The following ABI1 variants were observed in gnomAD, a reference collection of about 807,000 sequenced individuals.
The protein encoded by ABI1 is Abelson interactor 1.
Under a neutral mutation model 54.6 loss-of-function variants are expected in ABI1, and 14 were observed. The ratio of observed to expected loss-of-function variants is 0.26; its 90% confidence interval spans 0.17 to 0.40. ABI1 has a LOEUF of 0.40. ABI1 is among the 10% of genes least tolerant of loss of function. ABI1 has a pLI of 1.00. For missense variants in ABI1, 443 were observed against 598.3 expected, an observed-to-expected ratio of 0.74 and a Z score of 2.71; for synonymous variants, 194 against 209.3, an observed-to-expected ratio of 0.93 and a Z score of 0.63.
chr10:26,777,286 A>C, intron 2 of ABI1, 45 bp from the exon 3 acceptor site: 1 of 1,493,934 alleles, frequency 6.7e-7, no homozygotes, highest in South Asian at 1.3e-5. Flanking sequence ...ATTTGACATA[A>C]TATGTTTGCT....
At chr10:26,816,141 C>T (rs2047548783) in intron 2 of ABI1, among the ~76,000 whole-genome samples, 1 of 152,110 alleles carries the variant, frequency 6.6e-6, no homozygotes, top group Non-Finnish European at 1.5e-5. Flanking sequence ...TCCTTGTCCC[C>T]TAAATGATAA....
chr10:26,808,193 AG>A (rs2046996210), intron 2 of ABI1, among the ~76,000 whole-genome samples: 1 of 152,194 alleles, frequency 6.6e-6, no homozygotes, highest in Admixed American at 6.5e-5. Context: ...GTTGTTCTTC[AG>A]GTACTCTTTG....
At position 26,793,551 on chromosome 10, in the gene ABI1, C is replaced by A. The variant is rs561467833; in HGVS notation, c.286-16310G>T. On this transcript the variant is annotated intron_variant, in intron 2 of 10. Coordinates refer to ENST00000376140, the MANE Select transcript of ABI1 (RefSeq NM_001012750.3). Reference sequence around the variant, plus strand: ...AATCTGTCACTAACATTCTGGCCCACGTCTAATTTTTTAGTACTTCCCATG... The same window carrying A: ...AATCTGTCACTAACATTCTGGCCCAAGTCTAATTTTTTAGTACTTCCCATG... Among the ~76,000 whole-genome samples, 5 of 152,312 alleles carry A rather than the reference C, an allele frequency of 3.3e-5. No homozygotes were observed. The East Asian group carries it at 7.7e-4, about 24-fold the overall frequency.
chr10:26,860,614 T>C lies in ABI1; in HGVS notation c.117+133A>G. ...GCTCTGTCCCCGGTTGGGGCTGGGG[T>C]TGGGGCTGCGGTAGGGGCTCGGGTT... On this transcript the variant is annotated intron_variant, in intron 1 of 10. Transcript: ENST00000376140. The surrounding 1 kb of genome is among the most constrained non-coding windows in gnomAD (Gnocchi z 4.1). The C allele has an allele frequency of 1.4e-6, 1 of 707,862 alleles. No homozygotes were observed. The highest frequency in any genetic ancestry group is 1.7e-5 in the African/African-American group (1 of 57,218). The allele number at this position is 707,862 out of a possible 1,614,324, so 43.8% of individuals were successfully genotyped here. A position where few individuals can be genotyped will look rare whatever the true frequency, so the allele number is the denominator to read the frequency against.
At chr10:26,843,951 G>A (rs1012563345) in intron 1 of ABI1, among the ~76,000 whole-genome samples, 1 of 152,024 alleles carries the variant, frequency 6.6e-6, no homozygotes, top group Non-Finnish European at 1.5e-5. Context: ...TATGCCAAAC[G>A]TGTCTAGACA....
intron 2 of ABI1, among the ~76,000 whole-genome samples, chr10:26,793,809 T>C (rs768046518): frequency 9.2e-5 from 14 of 152,238 alleles, no homozygotes; most frequent in Non-Finnish European, 1.9e-4. Flanking sequence ...TTCAACCTAC[T>C]ACTTCTTACC....
intron 2 of ABI1, among the ~76,000 whole-genome samples, chr10:26,782,222 G>A (rs1842199267): frequency 6.6e-6 from 1 of 152,134 alleles, no homozygotes; most frequent in Admixed American, 6.6e-5. Context: ...TTTGCAATCT[G>A]ACAATAGGTA....
At chr10:26,763,455 C>CA (rs148470550) in intron 7 of ABI1, among the ~76,000 whole-genome samples, 2,382 of 152,230 alleles carry the variant, frequency 0.016, 52 homozygotes, top group African/African-American at 0.055. Flanking sequence ...CTATGATCCA[C>CA]AGGAAAGCCT....
intron 2 of ABI1, among the ~76,000 whole-genome samples, chr10:26,801,829 T>C (rs759213022): frequency 3.3e-5 from 5 of 152,216 alleles, no homozygotes; most frequent in Non-Finnish European, 5.9e-5. Context: ...GATAAATGCA[T>C]GCATGCATGC....
At position 26,748,748 on chromosome 10, in the gene ABI1, A is replaced by G. The variant is rs1298517441; in HGVS notation, c.1271-3T>C. On this transcript the variant is annotated splice_region_variant and splice_polypyrimidine_tract_variant and intron_variant, in intron 10 of 10. Coordinates refer to ENST00000376140, the MANE Select transcript of ABI1 (RefSeq NM_001012750.3). ...TGTATAATCATATATTGCAACAACT[A>G]TGGAAAAAACAGTTGAAATATCACA... The G allele has an allele frequency of 1.2e-6, 2 of 1,606,062 alleles. No homozygotes were observed. Among genetic ancestry groups the G allele is most frequent in the African/African-American group, 2.7e-5 (2 of 74,746 alleles).
chr10:26,858,529 C>T (rs1318373264), intron 1 of ABI1, among the ~76,000 whole-genome samples: 5 of 46,622 alleles, frequency 1.1e-4, no homozygotes, highest in Non-Finnish European at 1.7e-4. Context: ...CCCGCCCCCA[C>T]AAAAAAAGAA....
Position 26,773,215 on chromosome 10 carries a change from C to CTTTTTTT in ABI1, c.463-2133_463-2127dup, listed in dbSNP as rs58739177. Among the ~76,000 whole-genome samples, 69 of 92,498 alleles carry CTTTTTTT rather than the reference C, an allele frequency of 7.5e-4. 14 individuals carry two copies. Among genetic ancestry groups the CTTTTTTT allele is most frequent in the African/African-American group, 2.2e-3 (48 of 22,196 alleles). The allele number at this position is 92,498 out of a possible 152,430, so 60.7% of individuals were successfully genotyped here. A position where few individuals can be genotyped will look rare whatever the true frequency, so the allele number is the denominator to read the frequency against. Reference sequence around the variant, plus strand: ...AGGCACTAAATGTCTAATGCTAATTCTTTTTTTTTTTTTGCTGGCTCTGTT... The same window carrying CTTTTTTT: ...AGGCACTAAATGTCTAATGCTAATTCTTTTTTTTTTTTTTTTTTTTGCTGGCTCTGTT... On this transcript the variant is annotated intron_variant, in intron 3 of 10. Transcript: ENST00000376140.
chr10:26,857,118 G>A (rs60796663), intron 1 of ABI1, among the ~76,000 whole-genome samples: 6,503 of 151,932 alleles, frequency 0.043, 498 homozygotes, highest in African/African-American at 0.15. Flanking sequence ...TCAGGAGTTC[G>A]AGACCAGCCT....
chr10:26,776,892 A>G, intron 3 of ABI1, 173 bp downstream of exon 3: 1 of 552,670 alleles, frequency 1.8e-6, no homozygotes, highest in Non-Finnish European at 3.1e-6. Context: ...CAGCCTATTC[A>G]ACTGATAAAA....
intron 1 of ABI1, among the ~76,000 whole-genome samples, chr10:26,848,265 T>C (rs2050139744): frequency 6.7e-6 from 1 of 148,384 alleles, no homozygotes; most frequent in African/African-American, 2.5e-5. Context: ...AGTACCAAAG[T>C]GATACATGCC....
intron 3 of ABI1, among the ~76,000 whole-genome samples, chr10:26,774,479 CTTCTT>C (rs1237350017): frequency 6.6e-6 from 1 of 152,166 alleles, no homozygotes; most frequent in African/African-American, 2.4e-5. Flanking sequence ...CAAAGATCAT[CTTCTT>C]TTCATTCTCC....
chr10:26,779,703 G>C (rs996547409), intron 2 of ABI1, among the ~76,000 whole-genome samples: 1 of 152,178 alleles, frequency 6.6e-6, no homozygotes, highest in African/African-American at 2.4e-5. Flanking sequence ...GGCTATCTTA[G>C]TGCTCAGCTC....
intron 7 of ABI1, among the ~76,000 whole-genome samples, chr10:26,762,263 C>A (rs1321922418): frequency 6.6e-6 from 1 of 152,182 alleles, no homozygotes; most frequent in Non-Finnish European, 1.5e-5. Context: ...CTGCCTCAGC[C>A]TCCCAAAGTG....
At chr10:26,849,618 A>C (rs564098311) in intron 1 of ABI1, among the ~76,000 whole-genome samples, 3 of 152,252 alleles carry the variant, frequency 2.0e-5, no homozygotes, top group Non-Finnish European at 4.4e-5. Flanking sequence ...CATTTGGCAG[A>C]CATTTTCCTA....
Sources: allele counts gnomAD v4.1 joint callset (sites outside exome capture counted in the v4.1 genomes callset), GRCh38; gene constraint gnomAD v4.1.1; non-coding constraint Gnocchi (gnomAD v3.1); transcripts MANE v1.5; gene names NCBI Gene and HGNC (gene_info 2026-07-23, HGNC 2026-07-21).